USP10: variants seen among roughly 807,000 people sequenced by gnomAD.
The protein encoded by USP10 is ubiquitin carboxyl-terminal hydrolase 10.
In USP10, 22 loss-of-function variants were observed where a neutral mutation model predicts 84.5. The observed-to-expected ratio is 0.26, with a 90% CI of 0.19 to 0.37. USP10 has a LOEUF of 0.37. USP10 is among the 10% of genes least tolerant of loss of function. The pLI is 1.00. For missense variants in USP10, 1,019 were observed against 998.9 expected (o/e 1.02, Z -0.27); for synonymous variants, 454 against 387.6 (o/e 1.17, Z -2.01).
intron 1 of USP10, among the ~76,000 whole-genome samples, chr16:84,701,967 G>C (rs1430806877): frequency 3.3e-5 from 3 of 90,894 alleles, no homozygotes; most frequent in African/African-American, 1.2e-4. Flanking sequence ...GTTGGAATTT[G>C]GCTCTTGTTG....
chr16:84,777,952 C>T (rs1915185180), intron 13 of USP10, among the ~76,000 whole-genome samples: 1 of 152,200 alleles, frequency 6.6e-6, no homozygotes. Flanking sequence ...CCAGGCAGAC[C>T]TGTGCCCCTC....
At chr16:84,734,880 C>G (rs1180670454) in intron 2 of USP10, among the ~76,000 whole-genome samples, 1 of 152,308 alleles carries the variant, frequency 6.6e-6, no homozygotes, top group South Asian at 2.1e-4. Flanking sequence ...TGCCTCCTCA[C>G]CATTCATTGG....
intron 12 of USP10, among the ~76,000 whole-genome samples, chr16:84,774,830 C>A (rs1914826529): frequency 6.6e-6 from 1 of 152,152 alleles, no homozygotes; most frequent in South Asian, 2.1e-4. Flanking sequence ...TTGGATTTTT[C>A]ACAACTGTTT....
chr16:84,759,404 G>A lies in USP10; in HGVS notation c.1326G>A (p.Leu442=), dbSNP rs1912940379. ...TTGCTTGCCCGCCGATGTACCACCT[G>A]ATGAAGTTCATTCCTCTGTATTCCA... ...ALVACPPMYH[L]MKFIPLYSKV... is the part of the protein sequence containing the mutation. Residue 442 remains leucine (L), a synonymous_variant, in exon 6 of 14, where the codon CTG becomes CTA. Transcript: ENST00000219473. 6.2e-7 allele frequency: 1 copy of A among 1,614,006 alleles called. No homozygotes were observed. Among genetic ancestry groups the A allele is most frequent in the East Asian group, 2.2e-5 (1 of 44,888 alleles).
chr16:84,748,199 T>C (rs1911478804), intron 4 of USP10, among the ~76,000 whole-genome samples: 1 of 150,142 alleles, frequency 6.7e-6, no homozygotes, highest in East Asian at 1.9e-4. Context: ...TAAGCCTTTA[T>C]ATAGATTACT....
At position 84,733,480 on chromosome 16, in the gene USP10, G is replaced by A. The variant is rs770547951; in HGVS notation, c.67G>A (p.Val23Met). ...CCCTGATGAATTCAATCAATTCTTT[G>A]TGACTCCTCGATCTTCAGTTGAGGT... is the stretch of plus-strand genomic sequence containing the variant. ...FSPDEFNQFF[V>M]TPRSSVELPP... The change falls in exon 2 of 14, where the codon GTG becomes ATG. Residue 23 changes from valine (V) to methionine (M), a missense_variant. Physicochemically the swap from Val to Met is conservative, Grantham distance 21. Around this residue, in one of 2 missense-constraint regions of USP10, gnomAD observed 787 missense variants for 708.8 expected, o/e 1.11. Coordinates refer to ENST00000219473, the MANE Select transcript of USP10 (RefSeq NM_005153.3). 25 of 1,609,160 alleles carry A rather than the reference G, an allele frequency of 1.6e-5. No homozygotes were observed. Among genetic ancestry groups the A allele is most frequent in the Non-Finnish European group, 1.9e-5 (22 of 1,178,746 alleles).
chr16:84,701,739 G>T (rs975878336), intron 1 of USP10, among the ~76,000 whole-genome samples: 1 of 152,084 alleles, frequency 6.6e-6, no homozygotes, highest in Non-Finnish European at 1.5e-5. Flanking sequence ...TGCATTCATT[G>T]TCCCAGTATT....
At position 84,774,634 on chromosome 16, in the gene USP10, G is replaced by C. The variant is rs543473074; in HGVS notation, c.2144-526G>C. 4.5e-3 allele frequency among the ~76,000 whole-genome samples: 689 copies of C among 152,008 alleles called. 11 individuals are homozygous for C. The highest frequency in any genetic ancestry group is 0.031 in the South Asian group (151 of 4,812). ...TACAGCCGCGTGCCACCACGCCCGG[G>C]TAATTTTTTGTATTTTTAATAGAGA... On this transcript the variant is annotated intron_variant, in intron 12 of 13. Transcript: ENST00000219473.
At chr16:84,775,289 C>A in intron 13 of USP10, 64 bp downstream of exon 13, 1 of 1,544,678 alleles carries the variant, frequency 6.5e-7, no homozygotes. Flanking sequence ...TACAGCTGGG[C>A]ACAGGTTTGC....
At chr16:84,727,179 T>A (rs2059706100) in intron 1 of USP10, among the ~76,000 whole-genome samples, 1 of 152,270 alleles carries the variant, frequency 6.6e-6, no homozygotes, top group Non-Finnish European at 1.5e-5. Flanking sequence ...GTCTCCCGTG[T>A]GAACTGAATT....
At chr16:84,715,187 C>T (rs1269684427) in intron 1 of USP10, among the ~76,000 whole-genome samples, 2 of 152,110 alleles carry the variant, frequency 1.3e-5, no homozygotes, top group African/African-American at 4.8e-5. Context: ...GCCTAGGCCT[C>T]CCAAAGTGCT....
At chr16:84,700,438 C>A (rs531920128) in intron 1 of USP10, among the ~76,000 whole-genome samples, 8 of 152,002 alleles carry the variant, frequency 5.3e-5, no homozygotes, top group South Asian at 2.1e-4. Context: ...TGGAGTGGGG[C>A]CCTCCCCGCC....
intron 1 of USP10, chr16:84,716,570 T>G (rs1907040554): frequency 6.6e-6 from 1 of 152,152 alleles, no homozygotes; most frequent in South Asian, 2.1e-4. Flanking sequence ...GAAATAGGGT[T>G]TAGAAACACT....
At chr16:84,735,556 A>G (rs1037438092) in intron 2 of USP10, among the ~76,000 whole-genome samples, 24 of 152,170 alleles carry the variant, frequency 1.6e-4, no homozygotes, top group African/African-American at 5.8e-4. Context: ...AAAATGCAGA[A>G]TGCTTATTCA....
intron 1 of USP10, among the ~76,000 whole-genome samples, chr16:84,715,320 AT>A (rs1183644362): frequency 6.6e-6 from 1 of 152,260 alleles, no homozygotes; most frequent in African/African-American, 2.4e-5. Context: ...TAACCAAAGC[AT>A]CCTTACCTTT....
At chr16:84,759,101 T>A (rs1912905949) in intron 5 of USP10, among the ~76,000 whole-genome samples, 1 of 152,248 alleles carries the variant, frequency 6.6e-6, no homozygotes, top group Non-Finnish European at 1.5e-5. Flanking sequence ...ACTGGAAATT[T>A]GGTTTTAACT....
At chr16:84,712,882 T>G (rs527538699) in intron 1 of USP10, among the ~76,000 whole-genome samples, 4 of 152,206 alleles carry the variant, frequency 2.6e-5, no homozygotes, top group Non-Finnish European at 2.9e-5. Context: ...GATAGGACAC[T>G]TAGCAATGCA....
At chr16:84,753,966 G>A (rs1268234245) in intron 4 of USP10, among the ~76,000 whole-genome samples, 19 of 152,200 alleles carry the variant, frequency 1.2e-4, no homozygotes, top group Admixed American at 1.2e-3. Context: ...AGAAAGCAAG[G>A]AGGGGAGGCC....
chr16:84,777,210 C>A (rs573618542), intron 13 of USP10, among the ~76,000 whole-genome samples: 4 of 152,244 alleles, frequency 2.6e-5, no homozygotes, highest in East Asian at 3.9e-4. Context: ...GTGAGTGACA[C>A]ACGGCTCAGC....
Sources: allele counts gnomAD v4.1 joint callset (sites outside exome capture counted in the v4.1 genomes callset), GRCh38; gene constraint gnomAD v4.1.1; regional missense constraint gnomAD v4.1.1; transcripts MANE v1.5; gene names NCBI Gene and HGNC (gene_info 2026-07-23, HGNC 2026-07-21).